The following TTC17 variants were observed in gnomAD, a reference collection of about 807,000 sequenced individuals.
The protein encoded by TTC17 is tetratricopeptide repeat protein 17.
Under a neutral mutation model 143.8 loss-of-function variants are expected in TTC17, and 58 were observed. That is an observed-to-expected ratio of 0.40 (90% CI 0.33 to 0.50). TTC17 has a LOEUF of 0.50. TTC17 is among the 20% of genes least tolerant of loss of function. TTC17 has a pLI of 0.49. For synonymous variants in TTC17, 501 were observed against 497.8 expected, an observed-to-expected ratio of 1.01 and a Z score of -0.09; for missense variants, 1,273 against 1,392.5, an observed-to-expected ratio of 0.91 and a Z score of 1.37.
At chr11:43,377,772 T>G (rs776165813) in intron 1 of TTC17, among the ~76,000 whole-genome samples, 1 of 152,268 alleles carries the variant, frequency 6.6e-6, no homozygotes, top group African/African-American at 2.4e-5. Flanking sequence ...TAGTAACTTT[T>G]TAATCTAAAG....
intron 16 of TTC17, 144 bp from the exon 17 acceptor site, chr11:43,443,181 C>A: frequency 1.1e-6 from 1 of 934,926 alleles, no homozygotes; most frequent in Non-Finnish European, 1.5e-6. Context: ...TTTGAAGATG[C>A]TGAATGGAAT....
At chr11:43,457,323 C>T (rs1947783352) in intron 21 of TTC17, among the ~76,000 whole-genome samples, 1 of 152,030 alleles carries the variant, frequency 6.6e-6, no homozygotes, top group Non-Finnish European at 1.5e-5. Flanking sequence ...GTCTTACGAC[C>T]TCTTTGCCTA....
At chr11:43,399,537 G>A (rs368754763) in intron 8 of TTC17, among the ~76,000 whole-genome samples, 15 of 152,140 alleles carry the variant, frequency 9.9e-5, no homozygotes, top group African/African-American at 2.4e-4. Context: ...GCATGGTGGC[G>A]TGTGCCTGTA....
At chr11:43,449,904 C>T in intron 19 of TTC17, 178 bp from the exon 20 acceptor site, 1 of 683,412 alleles carries the variant, frequency 1.5e-6, no homozygotes, top group Non-Finnish European at 2.4e-6. Flanking sequence ...CCACTTATAT[C>T]TTGGAAGAAG....
intron 16 of TTC17, among the ~76,000 whole-genome samples, chr11:43,421,552 T>C (rs762879243): frequency 1.2e-4 from 19 of 152,204 alleles, no homozygotes; most frequent in South Asian, 2.1e-4. Context: ...AGCTCCACCT[T>C]CTGTCAGATC....
rs759074542 is a variant in TTC17 at position 43,404,130 on chromosome 11, T to C, written c.1465T>C (p.Ser489Pro). ...TATTCTCTGGATTTGGGGCAGGGACTCTGATGCATATAGGGTAAGTTAATA... is the reference window on the plus strand; with the variant it reads ...TATTCTCTGGATTTGGGGCAGGGACCCTGATGCATATAGGGTAAGTTAATA... ...HSILWIWGRD[S>P]DAYRDKQHIL... The change falls in exon 11 of 24, where the codon TCT becomes CCT. Residue 489 changes from serine (S) to proline (P), a missense_variant. Physicochemically the swap from Ser to Pro is moderately conservative, Grantham distance 74. This residue lies in a region of TTC17 where 878 missense variants were observed against 899.8 expected (regional missense o/e 0.98). Transcript: ENST00000039989. 3.4e-5 allele frequency: 54 copies of C among 1,611,606 alleles called. No individual in the cohort carries two copies. The Middle Eastern group carries it at 4.9e-4, about 15-fold the overall frequency.
At chr11:43,474,452 T>G (rs372562900) in intron 21 of TTC17, among the ~76,000 whole-genome samples, 16 of 152,328 alleles carry the variant, frequency 1.1e-4, no homozygotes, top group African/African-American at 3.4e-4. Context: ...TGAAGCTAGG[T>G]TCCTTGAATC....
chr11:43,446,042 T>G, intron 18 of TTC17: 1 of 1,528,980 alleles, frequency 6.5e-7, no homozygotes. Flanking sequence ...TGGAGAGATG[T>G]GGGCTTGAAG....
At chr11:43,467,620 A>C (rs1438222044) in intron 21 of TTC17, among the ~76,000 whole-genome samples, 1 of 152,230 alleles carries the variant, frequency 6.6e-6, no homozygotes, top group African/African-American at 2.4e-5. Flanking sequence ...ACACTACTGA[A>C]CTGTGTACTT....
chr11:43,461,635 A>G (rs1235263376), intron 21 of TTC17, among the ~76,000 whole-genome samples: 3 of 152,214 alleles, frequency 2.0e-5, no homozygotes, highest in Admixed American at 6.5e-5. Context: ...GACTTGGAAG[A>G]AAGAATGAAG....
At chr11:43,462,940 G>T (rs1455244303) in intron 21 of TTC17, among the ~76,000 whole-genome samples, 1 of 64,448 alleles carries the variant, frequency 1.6e-5, no homozygotes. Flanking sequence ...TTTTGAGACA[G>T]AGTCTCACTC....
chr11:43,472,272 G>T (rs1023481941), intron 21 of TTC17, among the ~76,000 whole-genome samples: 51 of 152,306 alleles, frequency 3.3e-4, no homozygotes, highest in Non-Finnish European at 5.9e-4. Flanking sequence ...GAGCCTAGGA[G>T]TTTGAGGCTG....
chr11:43,447,820 T>C, intron 18 of TTC17, 182 bp from the exon 19 acceptor site: 1 of 631,914 alleles, frequency 1.6e-6, no homozygotes, highest in Non-Finnish European at 2.6e-6. Context: ...GAGATGATCT[T>C]TAGTTCCATT....
intron 2 of TTC17, among the ~76,000 whole-genome samples, chr11:43,386,542 A>C (rs1185098413): frequency 6.6e-6 from 1 of 152,230 alleles, no homozygotes; most frequent in Non-Finnish European, 1.5e-5. Context: ...TGATTGATGT[A>C]ATTACGATCT....
At chr11:43,472,483 C>G (rs78054248) in intron 21 of TTC17, among the ~76,000 whole-genome samples, 266 of 152,170 alleles carry the variant, frequency 1.7e-3, no homozygotes, top group African/African-American at 6.2e-3. Flanking sequence ...AAAATGATCA[C>G]TAGGGATATA....
chr11:43,393,992 A>G (rs867219549), intron 5 of TTC17, among the ~76,000 whole-genome samples: 1 of 152,180 alleles, frequency 6.6e-6, no homozygotes, highest in African/African-American at 2.4e-5. Context: ...GCTTGAAGAC[A>G]GAGAGAGATC....
intron 1 of TTC17, among the ~76,000 whole-genome samples, chr11:43,368,249 T>C (rs1187079134): frequency 2.0e-5 from 3 of 152,170 alleles, no homozygotes; most frequent in African/African-American, 7.2e-5. Flanking sequence ...TAAAGTACCA[T>C]TTATATTCTA....
intron 15 of TTC17, 51 bp downstream of exon 15, chr11:43,407,628 A>C: frequency 6.7e-7 from 1 of 1,490,326 alleles, no homozygotes; most frequent in Non-Finnish European, 9.2e-7. Flanking sequence ...GGGTAACTCA[A>C]ATTTAGATTA....
chr11:43,367,495 C>G (rs1023925617), intron 1 of TTC17, among the ~76,000 whole-genome samples: 2 of 152,162 alleles, frequency 1.3e-5, no homozygotes, highest in Non-Finnish European at 1.5e-5. Flanking sequence ...GGATTAGAAC[C>G]AGCTGTGGGG....
Sources: gnomAD v4.1 joint callset for allele counts (sites outside exome capture counted in the v4.1 genomes callset) on GRCh38, gnomAD v4.1.1 for gene constraint, gnomAD v4.1.1 regional missense constraint, MANE v1.5 for transcripts, NCBI Gene and HGNC (gene_info 2026-07-23, HGNC 2026-07-21) for gene names.